Variants in DYSF observed in about 807,000 individuals in gnomAD.
DYSF encodes dystrophy-associated fer-1-like 1.
In DYSF, 212 loss-of-function variants were observed where a neutral mutation model predicts 274.9. That is an observed-to-expected ratio of 0.77 (90% CI 0.69 to 0.86). DYSF has a LOEUF of 0.86. Among genes scored for constraint, DYSF ranks in the 40% least tolerant of loss-of-function variants. DYSF has a pLI of 0.00. For synonymous variants in DYSF, 1,091 were observed against 1,078.7 expected (o/e 1.01, Z -0.22); for missense variants, 2,666 against 2,783.2 (o/e 0.96, Z 0.95).
intron 16 of DYSF, among the ~76,000 whole-genome samples, chr2:71,537,802 T>A (rs1023854106): frequency 6.6e-6 from 1 of 152,074 alleles, no homozygotes; most frequent in Non-Finnish European, 1.5e-5. Context: ...CTGGGATGTG[T>A]CATCTGAAGC....
intron 40 of DYSF, among the ~76,000 whole-genome samples, chr2:71,617,946 AGGT>A (rs1227097422): frequency 1.6e-5 from 1 of 62,690 alleles, no homozygotes; most frequent in Non-Finnish European, 3.3e-5. Context: ...TGTGTGGTAG[AGGT>A]GGTGTGTGTG....
At chr2:71,659,479 C>A (rs1213575337) in intron 44 of DYSF, among the ~76,000 whole-genome samples, 1 of 152,078 alleles carries the variant, frequency 6.6e-6, no homozygotes, top group Non-Finnish European at 1.5e-5. Context: ...GGGAAAGGAG[C>A]AGCGTTAGTG....
At chr2:71,660,777 C>G (rs2094865098) in intron 45 of DYSF, 126 bp downstream of exon 45, 3 of 822,462 alleles carry the variant, frequency 3.6e-6, no homozygotes, top group Admixed American at 2.0e-5. Flanking sequence ...TTCCTTAAAT[C>G]TTGCATGTCT....
rs536703008 is a variant in DYSF at position 71,679,111 on chromosome 2, A to G, written c.5939A>G (p.Lys1980Arg). Residue 1980 changes from lysine to arginine, a missense_variant, in exon 53 of 56, where the codon AAG becomes AGG. Lys to Arg is a conservative substitution (Grantham distance 26). Coordinates refer to ENST00000410020, the MANE Select transcript of DYSF (RefSeq NM_001130987.2). ...RMPKPAKTAK[K>R]CSLDQLDDAF... is the part of the protein sequence containing the mutation. ...CCCAAGCCAGCCAAGACAGCCAAGA[A>G]GTGCTCCTTGGACCAGCTGGATGAT... The G allele has an allele frequency of 6.8e-6, 11 of 1,613,924 alleles. No individual in the cohort carries two copies. Among genetic ancestry groups the G allele is most frequent in the Non-Finnish European group, 9.3e-6 (11 of 1,179,960 alleles).
Position 71,656,260 on chromosome 2 carries a change from A to G in DYSF, c.4725A>G (p.Thr1575=), listed in dbSNP as rs2094767983. Residue 1575 remains threonine (T), a synonymous_variant, in exon 43 of 56, where the codon ACA becomes ACG. Coordinates refer to ENST00000410020, the MANE Select transcript of DYSF (RefSeq NM_001130987.2). ...KLYRGKTQEE[T]EDPSVIGEFK... ...ACCGGGGCAAGACGCAGGAGGAGAC[A>G]GAAGATCCATCTGTGATTGGTGAAT... 6.2e-7 allele frequency: 1 copy of G among 1,614,122 alleles called. No individual in the cohort carries two copies. Among genetic ancestry groups the G allele is most frequent in the Admixed American group, 1.7e-5 (1 of 60,014 alleles).
rs2093854183 is a variant in DYSF at position 71,615,159 on chromosome 2, G to C, written c.4464+1749G>C. On this transcript the variant is annotated intron_variant, in intron 40 of 55. Coordinates refer to ENST00000410020, the MANE Select transcript of DYSF (RefSeq NM_001130987.2). This position sits in a 1 kb window ranked among gnomAD's most constrained non-coding sequence, Gnocchi z 4.9. The stretch of plus-strand genomic sequence containing the variant: ...ACAAGCACAGCCAGAGGCAGACGAT[G>C]AGGAGGCCCAGCCTGGCCATCCTCC... 6.6e-6 allele frequency among the ~76,000 whole-genome samples: 1 copy of C among 152,224 alleles called. No individual in the cohort carries two copies. Among genetic ancestry groups the C allele is most frequent in the African/African-American group, 2.4e-5 (1 of 41,470 alleles).
chr2:71,467,831 T>C (rs2081649713), intron 1 of DYSF, among the ~76,000 whole-genome samples: 1 of 152,136 alleles, frequency 6.6e-6, no homozygotes, highest in Non-Finnish European at 1.5e-5. Context: ...AATCTACGTA[T>C]CAGAAAAGAT....
Position 71,568,202 on chromosome 2 carries a change from G to A in DYSF, c.2728G>A (p.Gly910Arg), listed in dbSNP as rs2092223881. The change falls in exon 26 of 56, where the codon GGG becomes AGG. Residue 910 changes from glycine (G) to arginine (R), a missense_variant. By Grantham distance (125) the Gly-to-Arg change is moderately radical. Transcript: ENST00000410020. ...GAACGAGACTAAGTTGGCCCTTGTTGGGAACTGGGGCACAACGGGCCTCAC... is the reference window on the plus strand; with the variant it reads ...GAACGAGACTAAGTTGGCCCTTGTTAGGAACTGGGGCACAACGGGCCTCAC... ...YENETKLALV[G>R]NWGTTGLTYP... 2 of 1,614,222 alleles carry A rather than the reference G, an allele frequency of 1.2e-6. No individual in the cohort carries two copies. The highest frequency in any genetic ancestry group is 1.7e-6 in the Non-Finnish European group (2 of 1,180,032).
chr2:71,483,525 G>A (rs1278973250), intron 3 of DYSF, among the ~76,000 whole-genome samples: 13 of 152,158 alleles, frequency 8.5e-5, no homozygotes, highest in African/African-American at 1.2e-4. Context: ...TCTCACAGGT[G>A]GGACTCAGTC....
chr2:71,637,258 G>A (rs916121303), intron 41 of DYSF, among the ~76,000 whole-genome samples: 3 of 152,094 alleles, frequency 2.0e-5, no homozygotes, highest in Non-Finnish European at 4.4e-5. Context: ...GGAGAGTCAC[G>A]GAGTGATGGC....
chr2:71,528,440 G>C (rs1473268526), intron 14 of DYSF, 39 bp downstream of exon 14: 1 of 1,540,396 alleles, frequency 6.5e-7, no homozygotes, highest in African/African-American at 1.4e-5. Flanking sequence ...CTCGGGAGGG[G>C]ACTTTCTGGT....
chr2:71,670,891 G>T (rs921055925), intron 51 of DYSF, among the ~76,000 whole-genome samples: 2 of 152,102 alleles, frequency 1.3e-5, no homozygotes, highest in Non-Finnish European at 2.9e-5. Context: ...CCACCCTGAG[G>T]TGCTCTCCAA....
At chr2:71,634,040 G>A (rs988030114) in intron 41 of DYSF, among the ~76,000 whole-genome samples, 2 of 152,288 alleles carry the variant, frequency 1.3e-5, no homozygotes, top group Non-Finnish European at 1.5e-5. Context: ...ATAGATCTCC[G>A]CTATTTTCTC....
Position 71,568,226 on chromosome 2 carries a change from A to C in DYSF, c.2752A>C (p.Thr918Pro). The change falls in exon 26 of 56, where the codon ACC (threonine) becomes CCC (proline). Residue 918 changes from threonine (T) to proline (P), a missense_variant. By Grantham distance (38) the Thr-to-Pro change is conservative. Around this residue, in one of 3 missense-constraint regions of DYSF, gnomAD observed 412 missense variants for 504.0 expected, o/e 0.82. Transcript: ENST00000410020. ...TGGGAACTGGGGCACAACGGGCCTC[A>C]CCTACCCCAAGTTTTCTGACGTCAC... is the stretch of plus-strand genomic sequence containing the variant. ...LVGNWGTTGLTYPKFSDVTGK... is the reference protein window; with the variant it reads ...LVGNWGTTGLPYPKFSDVTGK... 1 of 1,614,186 alleles carries C rather than the reference A, an allele frequency of 6.2e-7. No homozygotes were observed. The highest frequency in any genetic ancestry group is 1.3e-5 in the African/African-American group (1 of 75,058).
intron 45 of DYSF, among the ~76,000 whole-genome samples, chr2:71,661,937 C>G (rs1180123235): frequency 6.6e-6 from 1 of 152,052 alleles, no homozygotes; most frequent in Non-Finnish European, 1.5e-5. Context: ...TGTATGAGTT[C>G]CAGGGGCTGG....
At chr2:71,564,435 G>C (rs982487548) in intron 24 of DYSF, among the ~76,000 whole-genome samples, 1 of 152,146 alleles carries the variant, frequency 6.6e-6, no homozygotes, top group African/African-American at 2.4e-5. Flanking sequence ...GGTTTGAGCC[G>C]GAATCACTGG....
chr2:71,511,923 T>C lies in DYSF; in HGVS notation c.460+2T>C. The C allele has an allele frequency of 7.2e-6, 11 of 1,533,904 alleles. No homozygotes were observed. The highest frequency in any genetic ancestry group is 9.7e-6 in the Non-Finnish European group (11 of 1,134,732). On this transcript the variant is annotated splice_donor_variant, in intron 5 of 55. Transcript: ENST00000410020. LOFTEE classifies it high-confidence loss of function. ...TGCCTGACCTGGATGTAGTGGCAGG[T>C]GGGTAGCCCACGTTGGCCTGGCTGG...
chr2:71,527,522 G>A (rs367968096), intron 13 of DYSF, among the ~76,000 whole-genome samples: 8 of 152,288 alleles, frequency 5.3e-5, no homozygotes, highest in African/African-American at 1.9e-4. Flanking sequence ...AGAGGGGCAT[G>A]GGGAAATAGA....
intron 43 of DYSF, among the ~76,000 whole-genome samples, chr2:71,657,171 A>G (rs1451532181): frequency 1.3e-5 from 2 of 152,340 alleles, no homozygotes; most frequent in Non-Finnish European, 2.9e-5. Flanking sequence ...GGCCAAAACC[A>G]AAAGGTTACA....
Sources: allele counts gnomAD v4.1 joint callset (sites outside exome capture counted in the v4.1 genomes callset), GRCh38; gene constraint gnomAD v4.1.1; regional missense constraint gnomAD v4.1.1; non-coding constraint Gnocchi (gnomAD v3.1); transcripts MANE v1.5; gene names NCBI Gene and HGNC (gene_info 2026-07-23, HGNC 2026-07-21).